Variants in ZNF827 observed in about 807,000 individuals in gnomAD.
ZNF827 encodes the protein zinc finger protein 827.
A neutral mutation model predicts 102.4 loss-of-function variants in ZNF827; 13 were observed. That is an observed-to-expected ratio of 0.13 (90% CI 0.08 to 0.20). The LOEUF (loss-of-function observed/expected upper bound fraction) is 0.20. ZNF827 is among the 10% of genes least tolerant of loss of function. The pLI, the probability that ZNF827 is intolerant of heterozygous loss-of-function variation, is 1.00. For missense variants in ZNF827, 1,103 were observed against 1,344.4 expected (o/e 0.82, Z 2.81); for synonymous variants, 523 against 536.2 (o/e 0.98, Z 0.34).
At chr4:145,873,192 C>T (rs1041530076) in intron 4 of ZNF827, among the ~76,000 whole-genome samples, 3 of 152,086 alleles carry the variant, frequency 2.0e-5, no homozygotes, top group Admixed American at 6.5e-5. Context: ...GCTTCGGCCT[C>T]CCAAAGTGCT....
chr4:145,849,564 G>C lies in ZNF827; in HGVS notation c.1982-3C>G. 1 of 1,613,394 alleles carries C rather than the reference G, an allele frequency of 6.2e-7. No individual in the cohort carries two copies. The highest frequency in any genetic ancestry group is 8.5e-7 in the Non-Finnish European group (1 of 1,179,472). On this transcript the variant is annotated splice_region_variant and splice_polypyrimidine_tract_variant and intron_variant, in intron 5 of 14. Coordinates refer to ENST00000508784, the MANE Select transcript of ZNF827 (RefSeq NM_001306215.2). Reference sequence around the variant, plus strand: ...CTGTGTTTCCTTGTAGCTTTCCGCTGCAAGTAGGTGAATGAAGAGAAACAA... The same window carrying C: ...CTGTGTTTCCTTGTAGCTTTCCGCTCCAAGTAGGTGAATGAAGAGAAACAA...
chr4:145,884,379 A>C (rs761152028), intron 4 of ZNF827, among the ~76,000 whole-genome samples: 2 of 152,176 alleles, frequency 1.3e-5, no homozygotes, highest in Non-Finnish European at 2.9e-5. Flanking sequence ...CCTGGCAATG[A>C]CATTTAGTGA....
chr4:145,893,938 T>G (rs1579499296), intron 2 of ZNF827, among the ~76,000 whole-genome samples: 1 of 151,172 alleles, frequency 6.6e-6, no homozygotes, highest in East Asian at 1.9e-4. Context: ...ACTTAAGAGA[T>G]ATATACAAAA....
chr4:145,857,646 A>C (rs1265997465), intron 5 of ZNF827, among the ~76,000 whole-genome samples: 1 of 152,216 alleles, frequency 6.6e-6, no homozygotes, highest in Non-Finnish European at 1.5e-5. Context: ...TGTCCAAATC[A>C]AAATCAAAAT....
intron 1 of ZNF827, among the ~76,000 whole-genome samples, chr4:145,923,449 G>A (rs1490085813): frequency 1.9e-5 from 2 of 105,010 alleles, no homozygotes; most frequent in Non-Finnish European, 4.7e-5. Flanking sequence ...TATTACAAAT[G>A]TAAAAAAAAA....
At chr4:145,778,411 G>C (rs951541382) in intron 9 of ZNF827, among the ~76,000 whole-genome samples, 1 of 152,210 alleles carries the variant, frequency 6.6e-6, no homozygotes, top group African/African-American at 2.4e-5. Flanking sequence ...TGGGATTATA[G>C]GCGTGAGCCA....
rs953006197 is a variant in ZNF827 at position 145,761,664 on chromosome 4, C to A, written c.*18-66G>T. ...GTTCGGAGGCAGCCGCGCTTCTCGC[C>A]GCCTCACCAGCCTTCCCTCACACCA... On this transcript the variant is annotated intron_variant, in intron 14 of 14. Transcript: ENST00000508784. This position sits in a 1 kb window ranked among gnomAD's most constrained non-coding sequence, Gnocchi z 6.8. 2 of 1,021,052 alleles carry A rather than the reference C, an allele frequency of 2.0e-6. No individual in the cohort carries two copies. Among genetic ancestry groups the A allele is most frequent in the African/African-American group, 3.3e-5 (2 of 60,230 alleles). 63.2% of individuals were successfully genotyped at this position (1,021,052 alleles called of 1,614,324 possible). A position where few individuals can be genotyped will look rare whatever the true frequency, so the allele number is the denominator to read the frequency against.
At chr4:145,928,124 G>GA (rs1460331542) in intron 1 of ZNF827, among the ~76,000 whole-genome samples, 1 of 152,144 alleles carries the variant, frequency 6.6e-6, no homozygotes, top group East Asian at 1.9e-4. Flanking sequence ...TTAAGAGCCT[G>GA]AAAAAATACC....
chr4:145,864,926 G>A (rs1355888692), intron 5 of ZNF827, among the ~76,000 whole-genome samples: 1 of 152,162 alleles, frequency 6.6e-6, no homozygotes, highest in Non-Finnish European at 1.5e-5. Flanking sequence ...ATAGATTACT[G>A]AAGTCACACT....
chr4:145,782,870 G>C (rs1439372426), intron 8 of ZNF827, among the ~76,000 whole-genome samples: 16 of 152,160 alleles, frequency 1.1e-4, no homozygotes, highest in Admixed American at 1.0e-3. Context: ...TCCACCAAAA[G>C]CTACTCCCCG....
intron 4 of ZNF827, among the ~76,000 whole-genome samples, chr4:145,878,968 G>A (rs566874526): frequency 8.4e-4 from 128 of 152,176 alleles, no homozygotes; most frequent in Non-Finnish European, 1.2e-4. Flanking sequence ...GGGATGGAGT[G>A]TAGATGAAAA....
chr4:145,924,563 G>A (rs1753290494), intron 1 of ZNF827, among the ~76,000 whole-genome samples: 1 of 152,156 alleles, frequency 6.6e-6, no homozygotes, highest in East Asian at 1.9e-4. Flanking sequence ...GTTTGAGGCA[G>A]GGCTCTCCCA....
chr4:145,919,049 GT>G (rs34207700), intron 1 of ZNF827, among the ~76,000 whole-genome samples: 144,918 of 152,216 alleles, frequency 0.95, 69,054 homozygotes, highest in East Asian at 1. Context: ...GAGGCCAGGA[GT>G]TTTGAGACCA....
chr4:145,792,725 A>G (rs999109634), intron 8 of ZNF827, among the ~76,000 whole-genome samples: 3 of 152,178 alleles, frequency 2.0e-5, no homozygotes, highest in South Asian at 2.1e-4. Context: ...ATAATATTCA[A>G]TAATTCAACT....
At position 145,765,613 on chromosome 4, in the gene ZNF827, G is replaced by A; in HGVS notation, c.2986C>T (p.Leu996=). 6.2e-7 allele frequency: 1 copy of A among 1,614,146 alleles called. No homozygotes were observed. Among genetic ancestry groups the A allele is most frequent in the Non-Finnish European group, 8.5e-7 (1 of 1,180,026 alleles). ...CCAGGCATGACAGAGATGACCAGCA[G>A]ATTGTTCCCGCCCTTGTTTTTCTGG... ...GSQKNKGGNN[L]LVISVMPGSQ... The change falls in exon 12 of 15, where the codon CTG becomes TTG. Residue 996 remains leucine, a synonymous_variant. Transcript: ENST00000508784. The surrounding 1 kb of genome is among the most constrained non-coding windows in gnomAD (Gnocchi z 4.7).
chr4:145,802,988 A>T (rs1466323098), intron 8 of ZNF827, among the ~76,000 whole-genome samples: 1 of 152,098 alleles, frequency 6.6e-6, no homozygotes, highest in Non-Finnish European at 1.5e-5. Flanking sequence ...AAAATTGCAG[A>T]CATGGTACAT....
At chr4:145,790,515 T>C (rs762051860) in intron 8 of ZNF827, among the ~76,000 whole-genome samples, 39 of 152,054 alleles carry the variant, frequency 2.6e-4, no homozygotes, top group Non-Finnish European at 4.6e-4. Context: ...ACCTATAGAG[T>C]TTTTAGAATA....
At chr4:145,785,938 A>G (rs1473534081) in intron 8 of ZNF827, among the ~76,000 whole-genome samples, 6 of 152,252 alleles carry the variant, frequency 3.9e-5, no homozygotes, top group African/African-American at 9.6e-5. Flanking sequence ...TAAGCCTAGA[A>G]TATTTCCAGG....
chr4:145,842,298 T>C (rs879288956), intron 7 of ZNF827, among the ~76,000 whole-genome samples: 2 of 152,182 alleles, frequency 1.3e-5, no homozygotes, highest in African/African-American at 4.8e-5. Flanking sequence ...GAGCTGCCAC[T>C]GGACAGGTGT....
Sources: allele counts gnomAD v4.1 joint callset (sites outside exome capture counted in the v4.1 genomes callset), GRCh38; gene constraint gnomAD v4.1.1; non-coding constraint Gnocchi (gnomAD v3.1); transcripts MANE v1.5; gene names NCBI Gene and HGNC (gene_info 2026-07-23, HGNC 2026-07-21).